Variants in LHFPL3 observed in about 807,000 individuals in gnomAD.
LHFPL3 encodes the protein LHFPL tetraspan subfamily member 3, also known as LHFPL tetraspan subfamily member 3 protein.
In LHFPL3, 5 loss-of-function variants were observed where a neutral mutation model predicts 19.3. The observed-to-expected ratio is 0.26, with a 90% CI of 0.14 to 0.54. LHFPL3 has a LOEUF of 0.54. Ranked by LOEUF, LHFPL3 falls within the 20% of genes least tolerant of loss-of-function variation. The probability of loss-of-function intolerance (pLI) is 0.94; values close to 1 mark genes in which losing one functional copy is unlikely to be tolerated. For synonymous variants in LHFPL3, 133 were observed against 126.2 expected, an observed-to-expected ratio of 1.05 and a Z score of -0.36; for missense variants, 249 against 307.4, an observed-to-expected ratio of 0.81 and a Z score of 1.42.
At chr7:104,822,677 T>C (rs1005330287) in intron 2 of LHFPL3, among the ~76,000 whole-genome samples, 1 of 152,178 alleles carries the variant, frequency 6.6e-6, no homozygotes, top group African/African-American at 2.4e-5. Context: ...CCCTGTGGGC[T>C]GGCAGTGGCC....
intron 2 of LHFPL3, among the ~76,000 whole-genome samples, chr7:104,842,567 G>T (rs1791235133): frequency 6.6e-6 from 1 of 152,182 alleles, no homozygotes; most frequent in Non-Finnish European, 1.5e-5. Flanking sequence ...AGGGGATGTG[G>T]CATTGCTTGT....
chr7:104,510,425 G>A (rs1004045972), intron 1 of LHFPL3, among the ~76,000 whole-genome samples: 2 of 152,030 alleles, frequency 1.3e-5, no homozygotes, highest in African/African-American at 4.8e-5. Flanking sequence ...AATAGACAAG[G>A]TTGCAAAAGT....
chr7:104,812,832 G>T (rs552723368), intron 2 of LHFPL3, among the ~76,000 whole-genome samples: 4 of 89,768 alleles, frequency 4.5e-5, no homozygotes, highest in Non-Finnish European at 9.1e-5. Context: ...AAAAAAAAAA[G>T]GCCAGGCGCA....
chr7:104,845,711 A>T (rs1321126189), intron 2 of LHFPL3, among the ~76,000 whole-genome samples: 1 of 152,240 alleles, frequency 6.6e-6, no homozygotes, highest in Non-Finnish European at 1.5e-5. Context: ...TTGTTCTCTG[A>T]CAATGAGCAC....
intron 1 of LHFPL3, among the ~76,000 whole-genome samples, chr7:104,700,455 G>T (rs1351028208): frequency 6.6e-6 from 1 of 152,162 alleles, no homozygotes; most frequent in Non-Finnish European, 1.5e-5. Flanking sequence ...AGCATGAAGG[G>T]CTCTCTTCTT....
At chr7:104,745,787 G>GA (rs1794035336) in intron 2 of LHFPL3, among the ~76,000 whole-genome samples, 1 of 152,060 alleles carries the variant, frequency 6.6e-6, no homozygotes, top group Non-Finnish European at 1.5e-5. Context: ...AAGCTTGTCT[G>GA]AAAAAAGGGG....
chr7:104,554,548 C>G (rs1031962160), intron 1 of LHFPL3, among the ~76,000 whole-genome samples: 1 of 151,912 alleles, frequency 6.6e-6, no homozygotes, highest in Non-Finnish European at 1.5e-5. Context: ...TATCCTAATC[C>G]CTAATGTGAT....
intron 1 of LHFPL3, among the ~76,000 whole-genome samples, chr7:104,405,028 G>A (rs1228992693): frequency 6.6e-6 from 1 of 152,128 alleles, no homozygotes; most frequent in Non-Finnish European, 1.5e-5. Context: ...AGTTGTTATA[G>A]TTTCTTTAGT....
chr7:104,856,817 G>A (rs920518868), intron 2 of LHFPL3, among the ~76,000 whole-genome samples: 2 of 152,170 alleles, frequency 1.3e-5, no homozygotes, highest in African/African-American at 4.8e-5. Context: ...ATAGTAAGGT[G>A]TATTATGACC....
intron 1 of LHFPL3, among the ~76,000 whole-genome samples, chr7:104,733,605 C>A (rs947255909): frequency 1.3e-5 from 2 of 152,120 alleles, no homozygotes; most frequent in Non-Finnish European, 2.9e-5. Flanking sequence ...TTATTTTGAG[C>A]CTATGTGTGT....
intron 2 of LHFPL3, among the ~76,000 whole-genome samples, chr7:104,753,570 G>T (rs1794218203): frequency 6.6e-6 from 1 of 151,854 alleles, no homozygotes; most frequent in Non-Finnish European, 1.5e-5. Context: ...TATATTAATT[G>T]AAAACATCAA....
At chr7:104,583,900 C>T (rs957333329) in intron 1 of LHFPL3, among the ~76,000 whole-genome samples, 13 of 151,516 alleles carry the variant, frequency 8.6e-5, no homozygotes, top group Non-Finnish European at 1.9e-4. Flanking sequence ...GTCAGTGTGG[C>T]GATTCCTCAG....
intron 2 of LHFPL3, among the ~76,000 whole-genome samples, chr7:104,819,754 G>A (rs929788076): frequency 8.5e-5 from 13 of 152,106 alleles, no homozygotes; most frequent in Non-Finnish European, 1.3e-4. Context: ...TGATATGTGC[G>A]TACTTTAACA....
intron 2 of LHFPL3, among the ~76,000 whole-genome samples, chr7:104,898,764 G>A (rs1029788917): frequency 1.1e-4 from 17 of 152,114 alleles, no homozygotes; most frequent in Admixed American, 3.9e-4. Flanking sequence ...AGGCTGCAGC[G>A]GGCTGTCATC....
At chr7:104,633,674 A>G (rs1213908248) in intron 1 of LHFPL3, among the ~76,000 whole-genome samples, 1 of 152,238 alleles carries the variant, frequency 6.6e-6, no homozygotes, top group Admixed American at 6.5e-5. Context: ...GGTACATAAC[A>G]ACATGTACCA....
At chr7:104,430,472 T>A (rs1240331472) in intron 1 of LHFPL3, among the ~76,000 whole-genome samples, 19 of 40,786 alleles carry the variant, frequency 4.7e-4, no homozygotes, top group African/African-American at 2.5e-3. Context: ...TTTTTTTTTT[T>A]TTTTTTTTTT....
intron 1 of LHFPL3, among the ~76,000 whole-genome samples, chr7:104,420,322 G>A (rs1791702753): frequency 6.6e-6 from 1 of 152,202 alleles, no homozygotes; most frequent in African/African-American, 2.4e-5. Flanking sequence ...AGTGAAATGG[G>A]AAAACCAGGA....
chr7:104,523,589 A>G (rs796465224), intron 1 of LHFPL3, among the ~76,000 whole-genome samples: 1 of 152,142 alleles, frequency 6.6e-6, no homozygotes, highest in African/African-American at 2.4e-5. Flanking sequence ...CATCTTTTCT[A>G]TCTTCTCCAT....
intron 1 of LHFPL3, among the ~76,000 whole-genome samples, chr7:104,625,592 T>G (rs1791527491): frequency 2.0e-5 from 3 of 152,188 alleles, no homozygotes; most frequent in African/African-American, 7.2e-5. Flanking sequence ...AAGACCATAT[T>G]ATCCTCTTTA....
Sources: allele counts gnomAD v4.1 joint callset (sites outside exome capture counted in the v4.1 genomes callset), GRCh38; gene constraint gnomAD v4.1.1; transcripts MANE v1.5; gene names NCBI Gene and HGNC (gene_info 2026-07-23, HGNC 2026-07-21).